CABIN1: variants seen among roughly 807,000 people sequenced by gnomAD.
CABIN1 encodes calcineurin binding protein 1.
In CABIN1, 133 loss-of-function variants were observed where a neutral mutation model predicts 227.7. That is an observed-to-expected ratio of 0.58 (90% confidence interval 0.51 to 0.67). The LOEUF is 0.67. Ranked by LOEUF, CABIN1 falls within the 30% of genes least tolerant of loss-of-function variation. The pLI is 0.00. For missense variants in CABIN1, 2,408 were observed against 2,852.5 expected, an observed-to-expected ratio of 0.84 and a Z score of 3.55; for synonymous variants, 1,086 against 1,155.1, an observed-to-expected ratio of 0.94 and a Z score of 1.21.
In CABIN1 at chr22:24,055,088, C is replaced by T; in HGVS notation, c.1022C>T (p.Ser341Phe). ...PAVAVAEPVV[S>F]YTSVATTSFP... is the part of the protein sequence containing the mutation. The stretch of plus-strand genomic sequence containing the variant: ...GTGGCTGTCGCCGAGCCTGTGGTCT[C>T]CTACACCTCTGTGGCTACAACCAGC... Residue 341 changes from serine (S) to phenylalanine (F), a missense_variant, in exon 9 of 37, where the codon TCC becomes TTC. By Grantham distance (155) the Ser-to-Phe change is radical (BLOSUM62 -2). Coordinates refer to ENST00000263119, the MANE Select transcript of CABIN1 (RefSeq NM_012295.4). 1.9e-6 allele frequency: 3 copies of T among 1,614,226 alleles called. No individual in the cohort carries two copies. Among genetic ancestry groups the T allele is most frequent in the Non-Finnish European group, 2.5e-6 (3 of 1,180,046 alleles).
intron 26 of CABIN1, among the ~76,000 whole-genome samples, chr22:24,108,015 C>G (rs922276327): frequency 6.6e-6 from 1 of 152,246 alleles, no homozygotes; most frequent in Non-Finnish European, 1.5e-5. Flanking sequence ...CGAGCATTGT[C>G]TAAGCCATCG....
At chr22:24,088,057 C>T (rs1181525991) in intron 23 of CABIN1, among the ~76,000 whole-genome samples, 2 of 152,158 alleles carry the variant, frequency 1.3e-5, no homozygotes, top group Non-Finnish European at 2.9e-5. Context: ...TTGTTGGATC[C>T]TTGTAAAATT....
In CABIN1 at chr22:24,067,187, T is replaced by G; in HGVS notation, c.2232+6T>G. The stretch of plus-strand genomic sequence containing the variant: ...CCCAGCTGCTTCTTCTGCAGGTGTG[T>G]GCTGCCAGTGTCCCTCACACCCACT... On this transcript the variant is annotated splice_donor_region_variant and intron_variant, in intron 16 of 36. Coordinates refer to ENST00000263119, the MANE Select transcript of CABIN1 (RefSeq NM_012295.4). 1 of 1,614,178 alleles carries G rather than the reference T, an allele frequency of 6.2e-7. No homozygotes were observed. The highest frequency in any genetic ancestry group is 1.7e-5 in the Admixed American group (1 of 60,034).
chr22:24,055,296 C>T, intron 9 of CABIN1, 137 bp downstream of exon 9: 1 of 1,052,924 alleles, frequency 9.5e-7, no homozygotes, highest in African/African-American at 1.6e-5. Flanking sequence ...AAGTGGGAGC[C>T]CCCAGCCCTA....
chr22:24,038,535 T>G, intron 4 of CABIN1, 74 bp downstream of exon 4: 1 of 1,003,004 alleles, frequency 1.0e-6, no homozygotes, highest in South Asian at 1.3e-5. Flanking sequence ...ACTCTGGGCC[T>G]TACCTCTGCT....
At chr22:24,019,650 C>CTTTTT (rs34361694) in intron 1 of CABIN1, among the ~76,000 whole-genome samples, 92 of 87,020 alleles carry the variant, frequency 1.1e-3, no homozygotes, top group Non-Finnish European at 1.4e-3. Flanking sequence ...TTTCTTTACC[C>CTTTTT]TTTTTTTTTT....
chr22:24,077,193 C>G (rs2040501994), intron 19 of CABIN1, among the ~76,000 whole-genome samples: 1 of 152,166 alleles, frequency 6.6e-6, no homozygotes, highest in African/African-American at 2.4e-5. Flanking sequence ...CCCCATCTTC[C>G]TGTGCTTTCC....
At chr22:24,086,164 G>A (rs963905792) in intron 22 of CABIN1, among the ~76,000 whole-genome samples, 24 of 152,236 alleles carry the variant, frequency 1.6e-4, no homozygotes, top group African/African-American at 5.5e-4. Flanking sequence ...GTCCTCTTGG[G>A]GTGACTGGGA....
chr22:24,159,238 G>C (rs2046011398), intron 29 of CABIN1, among the ~76,000 whole-genome samples: 1 of 152,236 alleles, frequency 6.6e-6, no homozygotes, highest in Non-Finnish European at 1.5e-5. Context: ...GGAGCCCAGA[G>C]TCCAGGGGAC....
intron 29 of CABIN1, chr22:24,156,543 G>A (rs2045828966): frequency 6.5e-6 from 1 of 154,730 alleles, no homozygotes; most frequent in Non-Finnish European, 1.4e-5. Context: ...GGAAGGCGCC[G>A]ACGAGGAGCT....
chr22:24,149,319 CA>C (rs149866321), intron 29 of CABIN1, among the ~76,000 whole-genome samples: 3,133 of 152,300 alleles, frequency 0.021, 126 homozygotes, highest in African/African-American at 0.07. Context: ...TGGGGTTGAC[CA>C]GACCCACCTC....
chr22:24,051,006 G>T (rs776877303), intron 8 of CABIN1, 32 bp downstream of exon 8: 1 of 1,613,694 alleles, frequency 6.2e-7, no homozygotes, highest in African/African-American at 1.3e-5. Flanking sequence ...GGAGTGCTGG[G>T]TCGGCCAGTA....
rs148842709 is a variant in CABIN1, at chr22:24,171,855, G to A, written c.5900G>A (p.Arg1967His). 20 of 1,613,958 alleles carry A rather than the reference G, an allele frequency of 1.2e-5. No individual in the cohort carries two copies. Among genetic ancestry groups the A allele is most frequent in the Admixed American group, 6.7e-5 (4 of 60,012 alleles). Residue 1967 changes from arginine to histidine, a missense_variant, in exon 34 of 37, where the codon CGC becomes CAC. Physicochemically the swap from Arg to His is conservative, Grantham distance 29. This residue lies in a region of CABIN1 where 714 missense variants were observed against 773.8 expected (regional missense o/e 0.92). Coordinates refer to ENST00000263119, the MANE Select transcript of CABIN1 (RefSeq NM_012295.4). ...QRPSDAHTKP[R>H]PALAAATTII... ...CCCAGTGATGCTCACACCAAGCCTCGCCCTGCACTAGCTGCCGCCACAACT... is the reference window on the plus strand; with the variant it reads ...CCCAGTGATGCTCACACCAAGCCTCACCCTGCACTAGCTGCCGCCACAACT...
chr22:24,087,596 C>G lies in CABIN1; in HGVS notation c.3408C>G (p.Asp1136Glu). ...LNCFRRALEI[D>E]SSNLSLWIEY... is the part of the protein sequence containing the mutation. ...GCTTCCGTCGGGCCCTGGAGATTGA[C>G]AGCTCCAACTTGTCCCTATGGATTG... is the stretch of plus-strand genomic sequence containing the variant. Residue 1136 changes from aspartate to glutamate, a missense_variant, in exon 23 of 37, where the codon GAC becomes GAG. Physicochemically the swap from Asp to Glu is conservative, Grantham distance 45 (BLOSUM62 2). Transcript: ENST00000263119. 1 of 1,614,204 alleles carries G rather than the reference C, an allele frequency of 6.2e-7. No homozygotes were observed. Among genetic ancestry groups the G allele is most frequent in the Non-Finnish European group, 8.5e-7 (1 of 1,180,032 alleles).
chr22:24,042,857 TG>T, intron 5 of CABIN1, 46 bp from the exon 6 acceptor site: 1 of 1,071,264 alleles, frequency 9.3e-7, no homozygotes, highest in Non-Finnish European at 1.4e-6. Context: ...TGTGTGTGTG[TG>T]TGTGTGTGTG....
At chr22:24,058,405 C>T (rs1016429829) in intron 10 of CABIN1, among the ~76,000 whole-genome samples, 3 of 152,168 alleles carry the variant, frequency 2.0e-5, no homozygotes, top group African/African-American at 7.2e-5. Flanking sequence ...GTGTGCAATA[C>T]GTGAATGAAG....
At chr22:24,048,972 A>G in intron 6 of CABIN1, 119 bp from the exon 7 acceptor site, 1 of 1,207,314 alleles carries the variant, frequency 8.3e-7, no homozygotes, top group Non-Finnish European at 1.2e-6. Context: ...GTGGTATCTC[A>G]TTATTTTTTA....
At chr22:24,119,764 G>T (rs1386067436) in intron 28 of CABIN1, 66 bp downstream of exon 28, 3 of 1,440,566 alleles carry the variant, frequency 2.1e-6, no homozygotes, top group Admixed American at 1.7e-5. Context: ...TTGAAGGTTG[G>T]TGGGCAGAGC....
Position 24,035,512 on chromosome 22 carries a change from C to A in CABIN1, c.-6C>A, listed in dbSNP as rs375515565. The stretch of plus-strand genomic sequence containing the variant: ...ATGCTCGTGGCAGTGCTGAATCTCT[C>A]TGAATATGGTAAGGACTGATGCCTG... On this transcript the variant is annotated 5_prime_UTR_variant, in exon 2 of 37. The change creates a new upstream start codon in the 5' untranslated region. Transcript: ENST00000263119. 71 of 1,614,050 alleles carry A rather than the reference C, an allele frequency of 4.4e-5. No individual in the cohort carries two copies. Among genetic ancestry groups the A allele is most frequent in the Non-Finnish European group, 5.8e-5 (69 of 1,180,034 alleles).
Sources: gnomAD v4.1 joint callset for allele counts (sites outside exome capture counted in the v4.1 genomes callset) on GRCh38, gnomAD v4.1.1 for gene constraint, gnomAD v4.1.1 regional missense constraint, MANE v1.5 for transcripts, NCBI Gene and HGNC (gene_info 2026-07-23, HGNC 2026-07-21) for gene names.